The following DERA variants were observed in gnomAD, a reference collection of about 807,000 sequenced individuals.
DERA encodes the protein deoxyribose-phosphate aldolase.
In DERA, 15 loss-of-function variants were observed where a neutral mutation model predicts 41.1. The ratio of observed to expected loss-of-function variants is 0.37; its 90% CI spans 0.24 to 0.56. The LOEUF (loss-of-function observed/expected upper bound fraction) is 0.56, where lower values mean the gene tolerates loss of function less well. Ranked by LOEUF, DERA falls within the 20% of genes least tolerant of loss-of-function variation. The probability of loss-of-function intolerance (pLI) is 0.81; values close to 1 mark genes in which losing one functional copy is unlikely to be tolerated. For synonymous variants in DERA, 139 were observed against 137.4 expected, an observed-to-expected ratio of 1.01 and a Z score of -0.08; for missense variants, 396 against 403.4, an observed-to-expected ratio of 0.98 and a Z score of 0.16.
chr12:15,975,426 T>A (rs1335826253), intron 5 of DERA, among the ~76,000 whole-genome samples: 1 of 152,124 alleles, frequency 6.6e-6, no homozygotes, highest in Non-Finnish European at 1.5e-5. Context: ...CAAGCATTGA[T>A]CTTAGGAGCA....
At chr12:16,023,552 AC>A (rs1013496051) in intron 6 of DERA, among the ~76,000 whole-genome samples, 3 of 132,788 alleles carry the variant, frequency 2.3e-5, no homozygotes, top group Non-Finnish European at 4.6e-5. Flanking sequence ...ATCTCGGCTC[AC>A]TGCAAGCTCC....
chr12:15,957,078 A>G lies in DERA; in HGVS notation c.129+45A>G, dbSNP rs748102136. 1.3e-5 allele frequency: 19 copies of G among 1,443,534 alleles called. No homozygotes were observed. The African/African-American group carries it at 1.5e-4, about 12-fold the overall frequency. The allele number at this position is 1,443,534 out of a possible 1,614,324, so 89.4% of individuals were successfully genotyped here. ...ATTCTGTGCCTGTATTTTACAATGCATGGTCTCTTCCCTCAAGGCCACAAT... is the reference window on the plus strand; with the variant it reads ...ATTCTGTGCCTGTATTTTACAATGCGTGGTCTCTTCCCTCAAGGCCACAAT... On this transcript the variant is annotated intron_variant, in intron 2 of 8. Transcript: ENST00000428559. The surrounding 1 kb of genome is among the most constrained non-coding windows in gnomAD (Gnocchi z 4.8).
chr12:15,976,453 A>C lies in DERA; in HGVS notation c.509-5855A>C, dbSNP rs931729640. On this transcript the variant is annotated intron_variant, in intron 5 of 8. Transcript: ENST00000428559. This position sits in a 1 kb window ranked among gnomAD's most constrained non-coding sequence, Gnocchi z 4.1. ...GCCATGATGTAGCAACATGCAGGCCAAGAATTTCTCTAGGCCCCAGTGACA... is the reference window on the plus strand; with the variant it reads ...GCCATGATGTAGCAACATGCAGGCCCAGAATTTCTCTAGGCCCCAGTGACA... Among the ~76,000 whole-genome samples the C allele has an allele frequency of 6.6e-6, 1 of 152,160 alleles. No individual in the cohort carries two copies. Among genetic ancestry groups the C allele is most frequent in the Non-Finnish European group, 1.5e-5 (1 of 68,022 alleles).
At chr12:15,925,473 C>A (rs999005132) in intron 1 of DERA, among the ~76,000 whole-genome samples, 3 of 152,012 alleles carry the variant, frequency 2.0e-5, no homozygotes, top group Non-Finnish European at 2.9e-5. Flanking sequence ...GGCAGCTTTA[C>A]TCTTTTAAGT....
rs540700770 is a variant in DERA, at chr12:15,966,155, G to C, written c.508+3208G>C. Among the ~76,000 whole-genome samples, 1 of 152,094 alleles carries C rather than the reference G, an allele frequency of 6.6e-6. No individual in the cohort carries two copies. Among genetic ancestry groups the C allele is most frequent in the Non-Finnish European group, 1.5e-5 (1 of 67,998 alleles). ...CCCAGCACTTTGGGAGGCTGAAACAGGCACTTTGGGAGGCCTCATCACCTC... is the reference window on the plus strand; with the variant it reads ...CCCAGCACTTTGGGAGGCTGAAACACGCACTTTGGGAGGCCTCATCACCTC... On this transcript the variant is annotated intron_variant, in intron 5 of 8. Coordinates refer to ENST00000428559, the MANE Select transcript of DERA (RefSeq NM_015954.4). This position sits in a 1 kb window ranked among gnomAD's most constrained non-coding sequence, Gnocchi z 5.1.
rs191356065 is a variant in DERA at position 16,012,955 on chromosome 12, G to A, written c.638-19587G>A. 6.2e-4 allele frequency among the ~76,000 whole-genome samples: 94 copies of A among 152,054 alleles called. No homozygotes were observed. The highest frequency in any genetic ancestry group is 1.9e-3 in the African/African-American group (80 of 41,490). On this transcript the variant is annotated intron_variant, in intron 6 of 8. Coordinates refer to ENST00000428559, the MANE Select transcript of DERA (RefSeq NM_015954.4). This position sits in a 1 kb window ranked among gnomAD's most constrained non-coding sequence, Gnocchi z 4.1. ...TTTTGTATTAGTTCCTCAAATCCCCGTACTTCAGTTTAAACTAGCCACATT... is the reference window on the plus strand; with the variant it reads ...TTTTGTATTAGTTCCTCAAATCCCCATACTTCAGTTTAAACTAGCCACATT...
chr12:15,982,646 A>G lies in DERA; in HGVS notation c.637+210A>G, dbSNP rs1783870817. Among the ~76,000 whole-genome samples, 1 of 152,082 alleles carries G rather than the reference A, an allele frequency of 6.6e-6. No homozygotes were observed. Among genetic ancestry groups the G allele is most frequent in the Admixed American group, 6.6e-5 (1 of 15,258 alleles). On this transcript the variant is annotated intron_variant, in intron 6 of 8. Coordinates refer to ENST00000428559, the MANE Select transcript of DERA (RefSeq NM_015954.4). This position sits in a 1 kb window ranked among gnomAD's most constrained non-coding sequence, Gnocchi z 4.0. ...ACATTTTTTTTTGTGTGTGTGTGGC[A>G]TTTCATTGCTGCACTATGCTTATAA...
chr12:15,947,887 CT>C (rs1177910099), intron 1 of DERA, among the ~76,000 whole-genome samples: 1 of 152,086 alleles, frequency 6.6e-6, no homozygotes, highest in Admixed American at 6.6e-5. Context: ...TTCAGGAGCT[CT>C]TTTAGGGCAG....
rs1269351438 is a variant in DERA at position 15,921,897 on chromosome 12, G to T, written c.31+10483G>T. Among the ~76,000 whole-genome samples the T allele has an allele frequency of 2.0e-5, 3 of 151,188 alleles. No individual in the cohort carries two copies. The highest frequency in any genetic ancestry group is 2.9e-5 in the Non-Finnish European group (2 of 67,886). On this transcript the variant is annotated intron_variant, in intron 1 of 8. Transcript: ENST00000428559. The surrounding 1 kb of genome is among the most constrained non-coding windows in gnomAD (Gnocchi z 5.3). Reference sequence around the variant, plus strand: ...GCCGAGATCACGCCATTGCACTCCAGCCTGGGTGACGAGCAAAACTCCATC... The same window carrying T: ...GCCGAGATCACGCCATTGCACTCCATCCTGGGTGACGAGCAAAACTCCATC...
At position 15,918,728 on chromosome 12, in the gene DERA, T is replaced by C. The variant is rs1028049141; in HGVS notation, c.31+7314T>C. Among the ~76,000 whole-genome samples, 7 of 152,130 alleles carry C rather than the reference T, an allele frequency of 4.6e-5. No individual in the cohort carries two copies. The highest frequency in any genetic ancestry group is 3.9e-4 in the Admixed American group (6 of 15,270). On this transcript the variant is annotated intron_variant, in intron 1 of 8. Transcript: ENST00000428559. This position sits in a 1 kb window ranked among gnomAD's most constrained non-coding sequence, Gnocchi z 4.3. The stretch of plus-strand genomic sequence containing the variant: ...CTCACAGGCAACTAAGGGAGATGTT[T>C]ATGTAAATCACCACATACGGCATGT...
chr12:15,942,798 T>C (rs900383677), intron 1 of DERA, among the ~76,000 whole-genome samples: 2 of 152,324 alleles, frequency 1.3e-5, no homozygotes, highest in East Asian at 3.9e-4. Flanking sequence ...GCGACATTGC[T>C]GGAGACCGTG....
In DERA at chr12:15,972,254, C is replaced by T. The variant is rs1358313843; in HGVS notation, c.508+9307C>T. On this transcript the variant is annotated intron_variant, in intron 5 of 8. Transcript: ENST00000428559. This position sits in a 1 kb window ranked among gnomAD's most constrained non-coding sequence, Gnocchi z 4.4. ...ATAGCAAGCCACCATTGCCTTGGAC[C>T]TCTCCTTGACATAGTATTTTCCCAG... 1 of 160,192 alleles carries T rather than the reference C, an allele frequency of 6.2e-6. No individual in the cohort carries two copies. Among genetic ancestry groups the T allele is most frequent in the Non-Finnish European group, 1.4e-5 (1 of 71,574 alleles). The allele number at this position is 160,192 out of a possible 1,614,324, so 9.9% of individuals were successfully genotyped here. A position where few individuals can be genotyped will look rare whatever the true frequency, so the allele number is the denominator to read the frequency against.
At position 15,967,757 on chromosome 12, in the gene DERA, C is replaced by T. The variant is rs570045298; in HGVS notation, c.508+4810C>T. Among the ~76,000 whole-genome samples the T allele has an allele frequency of 6.6e-6, 1 of 152,222 alleles. No homozygotes were observed. The highest frequency in any genetic ancestry group is 1.5e-5 in the Non-Finnish European group (1 of 68,050). On this transcript the variant is annotated intron_variant, in intron 5 of 8. Transcript: ENST00000428559. This position sits in a 1 kb window ranked among gnomAD's most constrained non-coding sequence, Gnocchi z 4.9. ...ACACTGTCCTTCCCTGCCAATCCTTCTGTCACTCCTGTCTAGCTGGACATG... is the reference window on the plus strand; with the variant it reads ...ACACTGTCCTTCCCTGCCAATCCTTTTGTCACTCCTGTCTAGCTGGACATG...
In DERA at chr12:15,972,718, C is replaced by T. The variant is rs4764236; in HGVS notation, c.509-9590C>T. ...GAGTGTGGCCATGGTCCCGAGCCAC[C>T]GCAGTCAGTACTGGGGACAGGGGAA... On this transcript the variant is annotated intron_variant, in intron 5 of 8. Coordinates refer to ENST00000428559, the MANE Select transcript of DERA (RefSeq NM_015954.4). The surrounding 1 kb of genome is among the most constrained non-coding windows in gnomAD (Gnocchi z 4.4). 95,447 of 153,362 alleles carry T rather than the reference C, an allele frequency of 0.62. 30,049 individuals carry two copies. The highest frequency in any genetic ancestry group is 0.82 in the East Asian group (4,290 of 5,224). The allele number at this position is 153,362 out of a possible 1,614,324, so 9.5% of individuals were successfully genotyped here.
At position 15,943,063 on chromosome 12, in the gene DERA, G is replaced by T. The variant is rs989878600; in HGVS notation, c.32-13873G>T. Among the ~76,000 whole-genome samples the T allele has an allele frequency of 6.6e-6, 1 of 152,138 alleles. No individual in the cohort carries two copies. Among genetic ancestry groups the T allele is most frequent in the Non-Finnish European group, 1.5e-5 (1 of 68,026 alleles). On this transcript the variant is annotated intron_variant, in intron 1 of 8. Coordinates refer to ENST00000428559, the MANE Select transcript of DERA (RefSeq NM_015954.4). This position sits in a 1 kb window ranked among gnomAD's most constrained non-coding sequence, Gnocchi z 4.5. Reference sequence around the variant, plus strand: ...TAGAGTGGTTGGGGAGAGGGACAGCGATGTCACCCCTGACAGTGTGTTCTA... The same window carrying T: ...TAGAGTGGTTGGGGAGAGGGACAGCTATGTCACCCCTGACAGTGTGTTCTA...
chr12:15,968,260 C>T (rs1948637197), intron 5 of DERA, among the ~76,000 whole-genome samples: 1 of 152,108 alleles, frequency 6.6e-6, no homozygotes. Flanking sequence ...TTAATTAGTA[C>T]ATCTTGTATT....
Position 16,004,803 on chromosome 12 carries a change from G to A in DERA, c.637+22367G>A, listed in dbSNP as rs1364229428. Among the ~76,000 whole-genome samples, 1 of 152,056 alleles carries A rather than the reference G, an allele frequency of 6.6e-6. No individual in the cohort carries two copies. The highest frequency in any genetic ancestry group is 6.6e-5 in the Admixed American group (1 of 15,258). ...CCTACTAAAAACTAGGAGATACCTT[G>A]GGAGTTTCCAAAATCAAGGTTAGGA... On this transcript the variant is annotated intron_variant, in intron 6 of 8. Coordinates refer to ENST00000428559, the MANE Select transcript of DERA (RefSeq NM_015954.4). This position sits in a 1 kb window ranked among gnomAD's most constrained non-coding sequence, Gnocchi z 4.2.
rs1948251799 is a variant in DERA, at chr12:15,922,564, A to G, written c.31+11150A>G. On this transcript the variant is annotated intron_variant, in intron 1 of 8. Transcript: ENST00000428559. This position sits in a 1 kb window ranked among gnomAD's most constrained non-coding sequence, Gnocchi z 4.9. ...CTGATAATACTGAAGACCGTCTGAA[A>G]GAAAAGCATCCTAGAGAAAGTTCAG... 6.6e-6 allele frequency among the ~76,000 whole-genome samples: 1 copy of G among 152,234 alleles called. No homozygotes were observed. Among genetic ancestry groups the G allele is most frequent in the Admixed American group, 6.5e-5 (1 of 15,284 alleles).
rs889636857 is a variant in DERA at position 16,035,964 on chromosome 12, C to G, written c.751-268C>G. Among the ~76,000 whole-genome samples, 1 of 152,078 alleles carries G rather than the reference C, an allele frequency of 6.6e-6. No homozygotes were observed. The highest frequency in any genetic ancestry group is 2.4e-5 in the African/African-American group (1 of 41,392). ...CTAGATGGTGGAGGTTTATGACTTT[C>G]CAATAAGTGAAATGTTAATGAGGGT... is the stretch of plus-strand genomic sequence containing the variant. On this transcript the variant is annotated intron_variant, in intron 7 of 8. Coordinates refer to ENST00000428559, the MANE Select transcript of DERA (RefSeq NM_015954.4). The surrounding 1 kb of genome is among the most constrained non-coding windows in gnomAD (Gnocchi z 4.1).
Sources: gnomAD v4.1 joint callset for allele counts (sites outside exome capture counted in the v4.1 genomes callset) on GRCh38, gnomAD v4.1.1 for gene constraint, Gnocchi (gnomAD v3.1) non-coding constraint, MANE v1.5 for transcripts, NCBI Gene and HGNC (gene_info 2026-07-23, HGNC 2026-07-21) for gene names.